The following DAB1 variants were observed in gnomAD, a reference collection of about 807,000 sequenced individuals.
The protein encoded by DAB1 is DAB adaptor protein 1.
In DAB1, 15 loss-of-function variants were observed where a neutral mutation model predicts 64.6. That is an observed-to-expected ratio of 0.23 (90% CI 0.16 to 0.36). DAB1 has a LOEUF of 0.36. DAB1 is among the 10% of genes least tolerant of loss of function. The pLI, the probability that DAB1 is intolerant of heterozygous loss-of-function variation, is 1.00. For missense variants in DAB1, 596 were observed against 706.7 expected, an observed-to-expected ratio of 0.84 and a Z score of 1.78; for synonymous variants, 235 against 251.9, an observed-to-expected ratio of 0.93 and a Z score of 0.64.
At chr1:58,328,541 T>G (rs747528363) in intron 4 of DAB1, among the ~76,000 whole-genome samples, 2 of 152,174 alleles carry the variant, frequency 1.3e-5, no homozygotes, top group African/African-American at 2.4e-5. Context: ...CTCCTTCCCT[T>G]CTGCCCCCAG....
intron 4 of DAB1, among the ~76,000 whole-genome samples, chr1:58,252,693 G>C (rs1660832119): frequency 6.6e-6 from 1 of 152,108 alleles, no homozygotes; most frequent in Admixed American, 6.5e-5. Context: ...GCCCCCCTTT[G>C]ACAGATGAGA....
intron 7 of DAB1, among the ~76,000 whole-genome samples, chr1:57,553,473 A>AAGGAAGGAAGGAAGG (rs373756684): frequency 1.2e-4 from 3 of 25,598 alleles, no homozygotes; most frequent in African/African-American, 1.9e-4. Flanking sequence ...AAAGGGAAAG[A>AAGGAAGGAAGGAAGG]AAGGAAGGAA....
chr1:57,159,902 G>C (rs528074441), intron 2 of DAB1, among the ~76,000 whole-genome samples: 5 of 147,128 alleles, frequency 3.4e-5, no homozygotes, highest in Admixed American at 2.7e-4. Flanking sequence ...GTTTTAAGAC[G>C]GTAAAGACAG....
At chr1:57,490,909 T>A (rs1644154515) in intron 7 of DAB1, among the ~76,000 whole-genome samples, 1 of 152,202 alleles carries the variant, frequency 6.6e-6, no homozygotes, top group Non-Finnish European at 1.5e-5. Context: ...ATGTTGAGTA[T>A]AACATACAGG....
At chr1:57,908,897 A>G (rs937792180) in intron 5 of DAB1, among the ~76,000 whole-genome samples, 4 of 152,142 alleles carry the variant, frequency 2.6e-5, no homozygotes, top group African/African-American at 7.2e-5. Flanking sequence ...ACAAAGAACA[A>G]AGCAATTGGG....
At chr1:58,025,687 G>A (rs1215317649) in intron 5 of DAB1, among the ~76,000 whole-genome samples, 14 of 90,880 alleles carry the variant, frequency 1.5e-4, no homozygotes, top group East Asian at 9.6e-4. Context: ...ATATATATAT[G>A]GCCTTTAATC....
intron 3 of DAB1, among the ~76,000 whole-genome samples, chr1:58,386,825 C>T (rs752814993): frequency 1.3e-5 from 2 of 152,084 alleles, no homozygotes; most frequent in Non-Finnish European, 2.9e-5. Context: ...TTTGGGAGGC[C>T]GAGGCAGGTG....
chr1:58,132,213 C>T (rs1186303194), intron 5 of DAB1, among the ~76,000 whole-genome samples: 1 of 152,058 alleles, frequency 6.6e-6, no homozygotes, highest in African/African-American at 2.4e-5. Flanking sequence ...TGGGAGTGAC[C>T]CGATTTTCCA....
intron 4 of DAB1, among the ~76,000 whole-genome samples, chr1:57,127,625 T>C (rs1657245848): frequency 6.6e-6 from 1 of 152,212 alleles, no homozygotes; most frequent in Admixed American, 6.5e-5. Context: ...GAACACTCCC[T>C]GGCACCCAGT....
intron 7 of DAB1, among the ~76,000 whole-genome samples, chr1:57,641,162 T>A (rs1011739385): frequency 1.3e-5 from 2 of 152,140 alleles, no homozygotes; most frequent in Non-Finnish European, 2.9e-5. Flanking sequence ...AATTGAGGCC[T>A]GGGAGTGGAG....
chr1:57,201,728 A>T (rs1665115053), intron 2 of DAB1, among the ~76,000 whole-genome samples: 2 of 152,180 alleles, frequency 1.3e-5, no homozygotes, highest in Non-Finnish European at 2.9e-5. Context: ...GTAATTAATT[A>T]TTTTAATAAT....
chr1:58,262,246 C>T (rs2100418342), intron 4 of DAB1, among the ~76,000 whole-genome samples: 1 of 152,254 alleles, frequency 6.6e-6, no homozygotes, highest in Non-Finnish European at 1.5e-5. Flanking sequence ...AGAGGAAAGA[C>T]CTGAGAAGAA....
chr1:58,331,193 T>C (rs1402936650), intron 4 of DAB1, among the ~76,000 whole-genome samples: 1 of 152,150 alleles, frequency 6.6e-6, no homozygotes, highest in Non-Finnish European at 1.5e-5. Flanking sequence ...TTCAAGACTT[T>C]AATGGAGGAA....
intron 1 of DAB1, among the ~76,000 whole-genome samples, chr1:57,411,647 C>A (rs995731272): frequency 5.3e-5 from 8 of 152,206 alleles, no homozygotes; most frequent in African/African-American, 1.9e-4. Context: ...GCCTCTTGAA[C>A]AAAGTGACTA....
intron 6 of DAB1, among the ~76,000 whole-genome samples, chr1:57,779,236 A>G (rs1353108545): frequency 6.6e-6 from 1 of 152,126 alleles, no homozygotes; most frequent in Non-Finnish European, 1.5e-5. Flanking sequence ...TCAAGAATAT[A>G]AAGAGACAGC....
At chr1:58,074,569 T>C (rs1249652295) in intron 5 of DAB1, 12 of 31,054 alleles carry the variant, frequency 3.9e-4, no homozygotes, top group Middle Eastern at 0.022. Context: ...TGTGTGTATA[T>C]ATATATATAT....
intron 7 of DAB1, among the ~76,000 whole-genome samples, chr1:57,522,204 C>T (rs1360964097): frequency 6.6e-6 from 1 of 152,136 alleles, no homozygotes; most frequent in Non-Finnish European, 1.5e-5. Context: ...AGGTCTCAGG[C>T]TGAAAAGAGG....
intron 7 of DAB1, among the ~76,000 whole-genome samples, chr1:57,453,115 A>T (rs555905935): frequency 6.6e-6 from 1 of 152,238 alleles, no homozygotes; most frequent in South Asian, 2.1e-4. Flanking sequence ...AACTAAGAAG[A>T]TACAGACATG....
intron 3 of DAB1, among the ~76,000 whole-genome samples, chr1:58,446,255 T>C (rs563518354): frequency 7.7e-4 from 117 of 152,184 alleles, no homozygotes; most frequent in Non-Finnish European, 1.4e-3. Context: ...CCCAGCCCAT[T>C]ACGTTACACA....
Sources: gnomAD v4.1 joint callset for allele counts (sites outside exome capture counted in the v4.1 genomes callset) on GRCh38, gnomAD v4.1.1 for gene constraint, MANE v1.5 for transcripts, NCBI Gene and HGNC (gene_info 2026-07-23, HGNC 2026-07-21) for gene names.